DENND1B: variants seen among roughly 807,000 people sequenced by gnomAD.
DENND1B encodes DENN domain containing 1B, also known as DENN domain-containing protein 1B.
DENND1B carries 59 observed loss-of-function variants against 90.1 expected under a neutral mutation model. The ratio of observed to expected loss-of-function variants is 0.65; its 90% CI spans 0.53 to 0.81. The LOEUF is 0.81. Among genes scored for constraint, DENND1B ranks in the 40% least tolerant of loss-of-function variants. The pLI is 0.00. For synonymous variants in DENND1B, 337 were observed against 324.6 expected, an observed-to-expected ratio of 1.04 and a Z score of -0.41; for missense variants, 862 against 912.6, an observed-to-expected ratio of 0.94 and a Z score of 0.71.
chr1:197,693,733 T>C (rs1259724440), intron 3 of DENND1B, among the ~76,000 whole-genome samples: 2 of 151,654 alleles, frequency 1.3e-5, no homozygotes, highest in Admixed American at 1.3e-4. Flanking sequence ...TCCTAGCTTT[T>C]CTTTGAGCTC....
At chr1:197,734,546 G>C in intron 2 of DENND1B, 1 of 975,260 alleles carries the variant, frequency 1.0e-6, no homozygotes, top group Non-Finnish European at 1.2e-6. Flanking sequence ...GATGTTTTGT[G>C]TTATTGGTAT....
chr1:197,668,609 T>G (rs1655177822), intron 5 of DENND1B, among the ~76,000 whole-genome samples: 1 of 151,636 alleles, frequency 6.6e-6, no homozygotes, highest in African/African-American at 2.4e-5. Context: ...ACCAGCATGT[T>G]ACTCTCATTG....
intron 13 of DENND1B, among the ~76,000 whole-genome samples, chr1:197,601,796 T>C (rs1404629134): frequency 6.6e-6 from 1 of 151,722 alleles, no homozygotes; most frequent in Non-Finnish European, 1.5e-5. Flanking sequence ...AAAAATATTT[T>C]AAATGTTTAC....
At chr1:197,583,354 G>A in intron 14 of DENND1B, 101 bp from the exon 15 acceptor site, 1 of 1,065,710 alleles carries the variant, frequency 9.4e-7, no homozygotes, top group Non-Finnish European at 1.4e-6. Context: ...GAAGCGTAAG[G>A]TGCAGAAGCA....
At chr1:197,713,711 G>A (rs1377878047) in intron 3 of DENND1B, among the ~76,000 whole-genome samples, 1 of 79,012 alleles carries the variant, frequency 1.3e-5, no homozygotes, top group Non-Finnish European at 2.3e-5. Context: ...ATGTGCACAT[G>A]TACTCTAAAA....
intron 18 of DENND1B, among the ~76,000 whole-genome samples, chr1:197,542,335 TA>T (rs1326042365): frequency 6.6e-6 from 1 of 152,112 alleles, no homozygotes; most frequent in Non-Finnish European, 1.5e-5. Flanking sequence ...ATTTTAACTA[TA>T]AAAATAAGTA....
At position 197,510,526 on chromosome 1, in the gene DENND1B, A is replaced by G; in HGVS notation, c.2262T>C (p.His754=). The G allele has an allele frequency of 1.2e-6, 2 of 1,612,252 alleles. No individual in the cohort carries two copies. The highest frequency in any genetic ancestry group is 2.2e-5 in the South Asian group (2 of 90,986). ...GLLHEVVSLC[H]MTSDFQQSLN... ...AGCTTTGTTGGAAGTCAGATGTCAT[A>G]TGACATAATGACACTACTTCATGGA... The change falls in exon 23 of 23, where the codon CAT becomes CAC. Residue 754 remains histidine (H), a synonymous_variant. Coordinates refer to ENST00000620048, the MANE Select transcript of DENND1B (RefSeq NM_001195215.2).
rs1001517725 is a variant in DENND1B at position 197,507,798 on chromosome 1, T to C, written c.*2662A>G. On this transcript the variant is annotated 3_prime_UTR_variant, in exon 23 of 23. Coordinates refer to ENST00000620048, the MANE Select transcript of DENND1B (RefSeq NM_001195215.2). ...ATTCTCACTATAACCACCATAATACTAGGAAGTCTAAGTTTAAGAGCAGAC... is the reference window on the plus strand; with the variant it reads ...ATTCTCACTATAACCACCATAATACCAGGAAGTCTAAGTTTAAGAGCAGAC... 4 of 151,622 alleles carry C rather than the reference T, an allele frequency of 2.6e-5. No homozygotes were observed. Among genetic ancestry groups the C allele is most frequent in the African/African-American group, 7.3e-5 (3 of 41,350 alleles). The allele number at this position is 151,622 out of a possible 1,614,324, so 9.4% of individuals were successfully genotyped here.
intron 2 of DENND1B, among the ~76,000 whole-genome samples, chr1:197,743,828 T>A (rs771036783): frequency 6.6e-6 from 1 of 151,994 alleles, no homozygotes; most frequent in Non-Finnish European, 1.5e-5. Flanking sequence ...GAAAAAAAAA[T>A]TGGAGTCAGT....
chr1:197,595,201 C>A lies in DENND1B; in HGVS notation c.1047+7G>T, dbSNP rs755880763. The A allele has an allele frequency of 2.9e-5, 47 of 1,599,380 alleles. No individual in the cohort carries two copies. The highest frequency in any genetic ancestry group is 4.0e-5 in the Non-Finnish European group (47 of 1,175,128). ...AAATTAAAACAGTGATGAAACAAAA[C>A]GCTTACAGGTTTGTATCTCAGTGCA... is the stretch of plus-strand genomic sequence containing the variant. On this transcript the variant is annotated splice_region_variant and intron_variant, in intron 14 of 22. Coordinates refer to ENST00000620048, the MANE Select transcript of DENND1B (RefSeq NM_001195215.2).
intron 3 of DENND1B, among the ~76,000 whole-genome samples, chr1:197,703,345 C>T (rs1435238690): frequency 6.6e-6 from 1 of 151,586 alleles, no homozygotes; most frequent in South Asian, 2.1e-4. Context: ...AAAAAAAACA[C>T]CTCTATACTC....
At chr1:197,675,824 T>G (rs2125990115) in intron 3 of DENND1B, among the ~76,000 whole-genome samples, 1 of 152,226 alleles carries the variant, frequency 6.6e-6, no homozygotes, top group East Asian at 1.9e-4. Context: ...TATCTCCCTC[T>G]AAATACACAA....
chr1:197,535,064 G>C (rs2125641670), intron 20 of DENND1B, among the ~76,000 whole-genome samples: 1 of 152,308 alleles, frequency 6.6e-6, no homozygotes, highest in East Asian at 1.9e-4. Context: ...GACTATGGCT[G>C]ATGCCTTTTG....
chr1:197,663,408 T>C (rs1654617578), intron 5 of DENND1B, among the ~76,000 whole-genome samples: 1 of 152,132 alleles, frequency 6.6e-6, no homozygotes, highest in African/African-American at 2.4e-5. Flanking sequence ...CCATTGCTCC[T>C]AGAAACGTCA....
chr1:197,616,796 A>C (rs1677690455), intron 11 of DENND1B, among the ~76,000 whole-genome samples: 1 of 151,190 alleles, frequency 6.6e-6, no homozygotes, highest in Non-Finnish European at 1.5e-5. Flanking sequence ...AAACACATTA[A>C]GGTCAAAATT....
At chr1:197,767,172 A>G (rs1005620265) in intron 2 of DENND1B, among the ~76,000 whole-genome samples, 1 of 152,086 alleles carries the variant, frequency 6.6e-6, no homozygotes, top group East Asian at 1.9e-4. Context: ...ATACAAATTA[A>G]TAAGTTCTGG....
rs1422949078 is a variant in DENND1B at position 197,686,011 on chromosome 1, GTTGTTTTTACA to G, written c.127-11853_127-11843del. On this transcript the variant is annotated intron_variant, in intron 3 of 22. Coordinates refer to ENST00000620048, the MANE Select transcript of DENND1B (RefSeq NM_001195215.2). ...ACGATAAACTGAAATATGAATACCA[GTTGTTTTTACA>G]TAACAGAAAGCCATCAAAGAGCCCT... Among the ~76,000 whole-genome samples, 8 of 152,192 alleles carry G rather than the reference GTTGTTTTTACA, an allele frequency of 5.3e-5. No homozygotes were observed. In the East Asian group the frequency reaches 9.7e-4, roughly 18 times the overall value.
intron 13 of DENND1B, 49 bp downstream of exon 13, chr1:197,607,024 G>C (rs1430081001): frequency 7.3e-7 from 1 of 1,377,182 alleles, no homozygotes; most frequent in Non-Finnish European, 1.0e-6. Flanking sequence ...TAATTCAGAG[G>C]TCCAGGAGAA....
chr1:197,593,755 A>G (rs1675442772), intron 14 of DENND1B, among the ~76,000 whole-genome samples: 1 of 152,104 alleles, frequency 6.6e-6, no homozygotes, highest in Non-Finnish European at 1.5e-5. Flanking sequence ...ATTTTAAAAT[A>G]AAAATGAAGT....
Sources: gnomAD v4.1 joint callset for allele counts (sites outside exome capture counted in the v4.1 genomes callset) on GRCh38, gnomAD v4.1.1 for gene constraint, MANE v1.5 for transcripts, NCBI Gene and HGNC (gene_info 2026-07-23, HGNC 2026-07-21) for gene names.